Variants in RASEF observed in about 807,000 individuals in gnomAD.
The protein encoded by RASEF is ras and EF-hand domain-containing protein.
A neutral mutation model predicts 90.1 loss-of-function variants in RASEF; 68 were observed. That is an observed-to-expected ratio of 0.75 (90% CI 0.62 to 0.92). The LOEUF (loss-of-function observed/expected upper bound fraction) is 0.92, where lower values mean the gene tolerates loss of function less well. Ranked by LOEUF, RASEF falls within the 40% of genes least tolerant of loss-of-function variation. RASEF has a pLI of 0.00. For synonymous variants in RASEF, 331 were observed against 345.2 expected (o/e 0.96, Z 0.46); for missense variants, 949 against 937.2 (o/e 1.01, Z -0.16).
the RASEF span, among the ~76,000 whole-genome samples, chr9:83,118,281 G>C: frequency 6.6e-6 from 1 of 151,714 alleles, no homozygotes; most frequent in Non-Finnish European, 1.5e-5. Flanking sequence ...AAAAAAAAAA[G>C]TTATATCACA....
At chr9:83,181,185 T>TA in the RASEF span, among the ~76,000 whole-genome samples, 545 of 139,740 alleles carry the variant, frequency 3.9e-3, 6 homozygotes, top group Middle Eastern at 0.047. Flanking sequence ...AGCCTGATCT[T>TA]AAAAAAAAAA....
At chr9:83,099,134 C>T in the RASEF span, among the ~76,000 whole-genome samples, 1 of 152,124 alleles carries the variant, frequency 6.6e-6, no homozygotes, top group South Asian at 2.1e-4. Context: ...ATCCATATAT[C>T]TATGATGTCT....
At chr9:83,139,160 A>ATCC in the RASEF span, among the ~76,000 whole-genome samples, 2 of 152,140 alleles carry the variant, frequency 1.3e-5, no homozygotes, top group Admixed American at 1.3e-4. Flanking sequence ...AGCTTGTTAG[A>ATCC]CAAGCAGGAT....
At chr9:82,989,149 A>G (rs908888514) in intron 16 of RASEF, among the ~76,000 whole-genome samples, 2 of 152,166 alleles carry the variant, frequency 1.3e-5, no homozygotes, top group African/African-American at 2.4e-5. Context: ...CAAACATTCT[A>G]TTAATAGAAC....
At chr9:83,183,432 A>G in the RASEF span, among the ~76,000 whole-genome samples, 328 of 152,268 alleles carry the variant, frequency 2.2e-3, 1 homozygote, top group African/African-American at 7.3e-3. Flanking sequence ...AATTTTTCCA[A>G]TTCTTCCTAT....
intron 16 of RASEF, among the ~76,000 whole-genome samples, chr9:82,984,108 A>G (rs1260114540): frequency 1.3e-5 from 2 of 152,376 alleles, no homozygotes; most frequent in African/African-American, 4.8e-5. Context: ...ACTGCTCAAC[A>G]GAAATACAAT....
chr9:82,997,546 A>G (rs7867614), intron 13 of RASEF, among the ~76,000 whole-genome samples: 80,964 of 151,930 alleles, frequency 0.53, 21,851 homozygotes, highest in East Asian at 0.78. Context: ...TTGTGGGTGG[A>G]TGGAGGAACT....
At chr9:83,000,672 C>T in intron 10 of RASEF, 102 bp from the exon 11 acceptor site, 1 of 1,098,310 alleles carries the variant, frequency 9.1e-7, no homozygotes. Flanking sequence ...GAAAACTATG[C>T]AGCTAAATCA....
At chr9:83,005,525 AAG>A (rs1346272160) in intron 7 of RASEF, 25 bp from the exon 8 acceptor site, 4 of 1,547,546 alleles carry the variant, frequency 2.6e-6, no homozygotes, top group Non-Finnish European at 3.6e-6. Context: ...AACAAGCAGA[AAG>A]AGAGACAAGG....
intron 3 of RASEF, among the ~76,000 whole-genome samples, chr9:83,019,825 T>C (rs559282463): frequency 3.9e-5 from 6 of 152,302 alleles, no homozygotes; most frequent in African/African-American, 1.4e-4. Context: ...AGAAATAGCA[T>C]ATATTGCATG....
chr9:83,160,691 G>T, the RASEF span, among the ~76,000 whole-genome samples: 2 of 152,146 alleles, frequency 1.3e-5, no homozygotes. Context: ...AAGATAATGG[G>T]GAAAATGTCT....
the RASEF span, among the ~76,000 whole-genome samples, chr9:83,088,622 T>C: frequency 6.6e-6 from 1 of 152,094 alleles, no homozygotes; most frequent in East Asian, 1.9e-4. Flanking sequence ...AATATGTTTT[T>C]AAGTGCTGAA....
the RASEF span, among the ~76,000 whole-genome samples, chr9:83,080,434 G>C: frequency 2.6e-5 from 4 of 152,174 alleles, no homozygotes; most frequent in Admixed American, 6.5e-5. Flanking sequence ...CCAGGTGATA[G>C]AGCCAGATAG....
chr9:83,023,593 C>A (rs867346284), intron 2 of RASEF, among the ~76,000 whole-genome samples: 1 of 152,176 alleles, frequency 6.6e-6, no homozygotes, highest in East Asian at 1.9e-4. Flanking sequence ...ACATTATTAT[C>A]TTCTGTTCCT....
chr9:82,990,047 GA>G (rs1178974215), intron 16 of RASEF, among the ~76,000 whole-genome samples: 2 of 152,250 alleles, frequency 1.3e-5, no homozygotes, highest in East Asian at 3.9e-4. Flanking sequence ...TTTTGCCCGG[GA>G]AAATATCATA....
At chr9:83,041,386 CAT>C (rs1829839616) in intron 1 of RASEF, among the ~76,000 whole-genome samples, 1 of 152,146 alleles carries the variant, frequency 6.6e-6, no homozygotes, top group Non-Finnish European at 1.5e-5. Context: ...GCTACCCAAC[CAT>C]CAAACACAAA....
the RASEF span, among the ~76,000 whole-genome samples, chr9:83,175,359 T>A: frequency 2.0e-5 from 3 of 152,236 alleles, no homozygotes; most frequent in Admixed American, 2.0e-4. Context: ...TCTATAGAGA[T>A]GATCATTTGC....
the RASEF span, among the ~76,000 whole-genome samples, chr9:83,201,501 T>G: frequency 6.6e-6 from 1 of 152,212 alleles, no homozygotes; most frequent in Non-Finnish European, 1.5e-5. Flanking sequence ...ACCAATCTAG[T>G]GCTATTTCAG....
At chr9:83,045,132 A>G (rs1231084318) in intron 1 of RASEF, among the ~76,000 whole-genome samples, 3 of 152,226 alleles carry the variant, frequency 2.0e-5, no homozygotes, top group Non-Finnish European at 4.4e-5. Flanking sequence ...ATATGTGTGT[A>G]CATATGGTAT....
Sources: allele counts gnomAD v4.1 joint callset (sites outside exome capture counted in the v4.1 genomes callset), GRCh38; gene constraint gnomAD v4.1.1; transcripts MANE v1.5; gene names NCBI Gene and HGNC (gene_info 2026-07-23, HGNC 2026-07-21).